Variants in CSMD3 observed in about 807,000 individuals in gnomAD.
CSMD3 encodes CUB and Sushi multiple domains 3.
A neutral mutation model predicts 435.2 loss-of-function variants in CSMD3; 177 were observed. The ratio of observed to expected loss-of-function variants is 0.41; its 90% CI spans 0.36 to 0.46. The LOEUF is 0.46. Among genes scored for constraint, CSMD3 ranks in the 20% least tolerant of loss-of-function variants. The pLI is 0.34. For missense variants in CSMD3, 4,265 were observed against 4,504.6 expected (o/e 0.95, Z 1.52); for synonymous variants, 1,656 against 1,520.5 (o/e 1.09, Z -2.07).
intron 6 of CSMD3, among the ~76,000 whole-genome samples, chr8:113,001,410 T>C (rs1212230692): frequency 2.0e-5 from 3 of 152,098 alleles, no homozygotes; most frequent in Admixed American, 6.6e-5. Flanking sequence ...GCAGGGCCTT[T>C]GTTTATTCCG....
At chr8:113,355,747 T>C (rs36169108) in intron 1 of CSMD3, among the ~76,000 whole-genome samples, 50,186 of 86,376 alleles carry the variant, frequency 0.58, 14,375 homozygotes, top group East Asian at 0.7. Context: ...TATATATATA[T>C]ATACACACAC....
In CSMD3 at chr8:112,406,675, G is replaced by T. The variant is rs370240116; in HGVS notation, c.5658C>A (p.Phe1886Leu). The change falls in exon 35 of 71, where the codon TTC becomes TTA. Residue 1886 changes from phenylalanine to leucine, a missense_variant. Transcript: ENST00000297405. ...CAAATTCATTGCCAATTCTTCTTCC[G>T]AATCTTGGTTCAGGCACAGAACTGC... The part of the protein sequence containing the change: ...TQCSSVPEPR[F>L]GRRIGNEFAV... 1 of 1,611,896 alleles carries T rather than the reference G, an allele frequency of 6.2e-7. No individual in the cohort carries two copies. The highest frequency in any genetic ancestry group is 8.5e-7 in the Non-Finnish European group (1 of 1,178,498).
intron 2 of CSMD3, among the ~76,000 whole-genome samples, chr8:113,287,000 G>A (rs548212147): frequency 3.0e-4 from 45 of 151,800 alleles, no homozygotes; most frequent in Non-Finnish European, 5.6e-4. Flanking sequence ...AATAAAAGTG[G>A]TACTATTACA....
intron 7 of CSMD3, among the ~76,000 whole-genome samples, chr8:112,963,421 T>G (rs1159543865): frequency 6.6e-6 from 1 of 151,970 alleles, no homozygotes; most frequent in African/African-American, 2.4e-5. Context: ...TATTAGAGAT[T>G]TAATTGAAAT....
intron 10 of CSMD3, among the ~76,000 whole-genome samples, chr8:112,874,209 T>A (rs2081215072): frequency 1.3e-5 from 2 of 152,202 alleles, no homozygotes; most frequent in Non-Finnish European, 2.9e-5. Flanking sequence ...TTCCATGTAG[T>A]TGTGCAGTTT....
rs185032509 is a variant in CSMD3 at position 113,342,953 on chromosome 8, T to C, written c.179-28160A>G. ...GCAACCCATAGTTGAAGAAGATAAT[T>C]AAGAAGAGGAGAAGGAGGAAGAGGA... On this transcript the variant is annotated intron_variant, in intron 1 of 70. Coordinates refer to ENST00000297405, the MANE Select transcript of CSMD3 (RefSeq NM_198123.2). Among the ~76,000 whole-genome samples the C allele has an allele frequency of 1.1e-4, 17 of 151,140 alleles. No homozygotes were observed. In the East Asian group the frequency reaches 3.1e-3, roughly 28 times the overall value.
intron 6 of CSMD3, among the ~76,000 whole-genome samples, chr8:113,014,001 G>T (rs755789098): frequency 2.8e-4 from 42 of 152,136 alleles, no homozygotes; most frequent in Non-Finnish European, 5.6e-4. Flanking sequence ...TAGATTGCAA[G>T]GTTGTTGATT....
At chr8:113,259,002 T>C (rs1379433783) in intron 3 of CSMD3, among the ~76,000 whole-genome samples, 1 of 152,200 alleles carries the variant, frequency 6.6e-6, no homozygotes, top group East Asian at 1.9e-4. Context: ...AAACACATGA[T>C]GCTGCCATTT....
At chr8:112,628,243 A>T (rs963399836) in intron 22 of CSMD3, among the ~76,000 whole-genome samples, 3 of 152,166 alleles carry the variant, frequency 2.0e-5, no homozygotes, top group African/African-American at 4.8e-5. Context: ...ATTTTACTGC[A>T]TATTAGGGAA....
intron 12 of CSMD3, among the ~76,000 whole-genome samples, chr8:112,822,163 G>A (rs960661577): frequency 6.6e-6 from 1 of 152,078 alleles, no homozygotes; most frequent in Non-Finnish European, 1.5e-5. Context: ...GACATTTAAA[G>A]TAGTTTTCCA....
At chr8:113,039,932 A>C (rs1159683112) in intron 5 of CSMD3, among the ~76,000 whole-genome samples, 1 of 152,182 alleles carries the variant, frequency 6.6e-6, no homozygotes, top group Non-Finnish European at 1.5e-5. Context: ...GTACCCTTCT[A>C]GGAGTCAAAA....
intron 24 of CSMD3, among the ~76,000 whole-genome samples, chr8:112,569,710 T>C (rs955026409): frequency 2.0e-5 from 3 of 152,176 alleles, no homozygotes; most frequent in Non-Finnish European, 2.9e-5. Flanking sequence ...CTGCTTGTTC[T>C]CCCACTAGAA....
intron 6 of CSMD3, among the ~76,000 whole-genome samples, chr8:113,004,303 G>A (rs2085974622): frequency 6.6e-6 from 1 of 151,914 alleles, no homozygotes; most frequent in Non-Finnish European, 1.5e-5. Flanking sequence ...GAGCTATTAA[G>A]TTGTTTAGCC....
intron 19 of CSMD3, among the ~76,000 whole-genome samples, chr8:112,646,216 C>A (rs1418954048): frequency 1.3e-5 from 2 of 152,116 alleles, no homozygotes; most frequent in African/African-American, 2.4e-5. Context: ...ATATGTCATG[C>A]AGCTAGAATA....
At chr8:112,435,915 T>TGACCATAAAGCATTTAC (rs1001485527) in intron 32 of CSMD3, among the ~76,000 whole-genome samples, 17 of 152,032 alleles carry the variant, frequency 1.1e-4, no homozygotes, top group Non-Finnish European at 2.5e-4. Flanking sequence ...TTTGTATTTA[T>TGACCATAAAGCATTTAC]GACCATAATG....
rs186116861 is a variant in CSMD3 at position 112,364,108 on chromosome 8, G to A, written c.6137-11574C>T. 3.9e-5 allele frequency among the ~76,000 whole-genome samples: 6 copies of A among 152,048 alleles called. No homozygotes were observed. The East Asian group carries it at 9.6e-4, about 24-fold the overall frequency. On this transcript the variant is annotated intron_variant, in intron 38 of 70. Coordinates refer to ENST00000297405, the MANE Select transcript of CSMD3 (RefSeq NM_198123.2). The stretch of plus-strand genomic sequence containing the variant: ...GCATTATCTCTTAAGCATATTGCTC[G>A]AGGATGGGAAGCAGTAAAAATAATA...
intron 3 of CSMD3, among the ~76,000 whole-genome samples, chr8:113,228,096 T>TTAACATAATAATATAATGTAA (rs1458868844): frequency 6.6e-6 from 1 of 151,596 alleles, no homozygotes; most frequent in Non-Finnish European, 1.5e-5. Context: ...ATGTTGGTTG[T>TTAACATAATAATATAATGTAA]TAACATAATA....
At chr8:113,360,797 T>A (rs1392291328) in intron 1 of CSMD3, among the ~76,000 whole-genome samples, 1 of 151,832 alleles carries the variant, frequency 6.6e-6, no homozygotes, top group Non-Finnish European at 1.5e-5. Context: ...ATGGTCTCGA[T>A]CTCCTGACCT....
At chr8:112,581,109 T>C (rs574496006) in intron 23 of CSMD3, among the ~76,000 whole-genome samples, 21 of 152,248 alleles carry the variant, frequency 1.4e-4, no homozygotes, top group Non-Finnish European at 1.3e-4. Context: ...ATAAACATCA[T>C]TTAATTTAAA....
Sources: gnomAD v4.1 joint callset for allele counts (sites outside exome capture counted in the v4.1 genomes callset) on GRCh38, gnomAD v4.1.1 for gene constraint, MANE v1.5 for transcripts, NCBI Gene and HGNC (gene_info 2026-07-23, HGNC 2026-07-21) for gene names.